The following RERGL variants were observed in gnomAD, a reference collection of about 807,000 sequenced individuals.
RERGL encodes RERG like.
A neutral mutation model predicts 24.7 loss-of-function variants in RERGL; 22 were observed. That is an observed-to-expected ratio of 0.89 (90% CI 0.64 to 1.27). The LOEUF (loss-of-function observed/expected upper bound fraction) is 1.27. Among genes scored for constraint, RERGL ranks in the 50% most tolerant of loss-of-function variants. The pLI is 0.00. For synonymous variants in RERGL, 76 were observed against 82.6 expected (o/e 0.92, Z 0.43); for missense variants, 259 against 235.3 (o/e 1.10, Z -0.66).
chr12:18,084,906 G>C (rs1257123697), intron 3 of RERGL, among the ~76,000 whole-genome samples: 2 of 152,134 alleles, frequency 1.3e-5, no homozygotes, highest in African/African-American at 2.4e-5. Flanking sequence ...TTTTCCGGAA[G>C]AAAACATCTC....
chr12:18,085,097 A>T (rs1365551874), intron 3 of RERGL, among the ~76,000 whole-genome samples: 1 of 152,182 alleles, frequency 6.6e-6, no homozygotes, highest in East Asian at 1.9e-4. Context: ...TTTAAGATAC[A>T]TTTTGATTTA....
intron 3 of RERGL, among the ~76,000 whole-genome samples, chr12:18,084,896 T>C (rs955312083): frequency 1.3e-5 from 2 of 152,214 alleles, no homozygotes; most frequent in Non-Finnish European, 2.9e-5. Flanking sequence ...ATTTTATAAC[T>C]TTTCCGGAAG....
At chr12:18,086,733 G>A (rs1947225651) in intron 2 of RERGL, among the ~76,000 whole-genome samples, 1 of 151,920 alleles carries the variant, frequency 6.6e-6, no homozygotes, top group Non-Finnish European at 1.5e-5. Context: ...CTAGTCCCAG[G>A]CCTTTACATG....
At chr12:18,089,207 A>G (rs1205636284) in intron 1 of RERGL, 14 of 1,597,418 alleles carry the variant, frequency 8.8e-6, no homozygotes, top group Non-Finnish European at 1.2e-5. Flanking sequence ...ATTCATTACC[A>G]CAAAAACATA....
chr12:18,087,873 G>A (rs11831986), intron 2 of RERGL, among the ~76,000 whole-genome samples: 1,655 of 151,950 alleles, frequency 0.011, 37 homozygotes, highest in African/African-American at 0.037. Context: ...TTCTTTTTAC[G>A]TTTTCAACTT....
chr12:18,086,638 C>T (rs12302453), intron 2 of RERGL, among the ~76,000 whole-genome samples: 12,984 of 152,074 alleles, frequency 0.085, 650 homozygotes, highest in Middle Eastern at 0.17. Context: ...GTTCACCTCT[C>T]CCCGCCCCCA....
intron 4 of RERGL, among the ~76,000 whole-genome samples, chr12:18,082,380 G>A (rs971671773): frequency 2.0e-5 from 3 of 152,022 alleles, no homozygotes; most frequent in African/African-American, 4.8e-5. Flanking sequence ...ATTAACTAAC[G>A]GGTTCTAGGC....
rs3054570 is a variant in RERGL, at chr12:18,081,527, TAAA to T, written c.333-57_333-55del. 5,019 of 1,091,632 alleles carry T rather than the reference TAAA, an allele frequency of 4.6e-3. 7 individuals are homozygous for T. The highest frequency in any genetic ancestry group is 9.7e-3 in the African/African-American group (590 of 60,924). 67.6% of individuals were successfully genotyped at this position (1,091,632 alleles called of 1,614,324 possible). A position where few individuals can be genotyped will look rare whatever the true frequency, so the allele number is the denominator to read the frequency against. On this transcript the variant is annotated intron_variant, in intron 4 of 4. Transcript: ENST00000538724. The stretch of plus-strand genomic sequence containing the variant: ...AGATTGTTTTAACAACTCTTTTTTT[TAAA>T]AAAAAAAAAAAAACAGATTTATAAC...
At chr12:18,084,399 T>C (rs945535141) in intron 4 of RERGL, 118 bp downstream of exon 4, 16 of 830,992 alleles carry the variant, frequency 1.9e-5, no homozygotes, top group Non-Finnish European at 2.7e-5. Flanking sequence ...GGAAGGTGAA[T>C]TGTTCAGGGC....
chr12:18,085,813 A>C, intron 2 of RERGL, 120 bp from the exon 3 acceptor site: 1 of 582,058 alleles, frequency 1.7e-6, no homozygotes, highest in Non-Finnish European at 3.0e-6. Context: ...TGGTGACTGA[A>C]AGCATGTATT....
At position 18,081,134 on chromosome 12, in the gene RERGL, A is replaced by G. The variant is rs1947165871; in HGVS notation, c.*57T>C. 1.4e-6 allele frequency: 2 copies of G among 1,478,472 alleles called. No homozygotes were observed. Among genetic ancestry groups the G allele is most frequent in the African/African-American group, 2.8e-5 (2 of 71,132 alleles). The allele number at this position is 1,478,472 out of a possible 1,614,324, so 91.6% of individuals were successfully genotyped here. A position where few individuals can be genotyped will look rare whatever the true frequency, so the allele number is the denominator to read the frequency against. ...ATTGCATACAAAGGTTAGTTTAATTATCATGTGAATGTTTGAAACTCTCTG... is the reference window on the plus strand; with the variant it reads ...ATTGCATACAAAGGTTAGTTTAATTGTCATGTGAATGTTTGAAACTCTCTG... On this transcript the variant is annotated 3_prime_UTR_variant, in exon 5 of 5. Transcript: ENST00000538724.
At chr12:18,089,961 GATA>G in intron 1 of RERGL, 125 bp downstream of exon 1, 2 of 617,842 alleles carry the variant, frequency 3.2e-6, no homozygotes, top group East Asian at 3.1e-5. Flanking sequence ...ATCCCAGTGA[GATA>G]ATGTTATTAT....
At position 18,090,142 on chromosome 12, in the gene RERGL, T is replaced by A; in HGVS notation, c.-2A>T. Reference sequence around the variant, plus strand: ...GACAGCAAGCTTCACATCATTCATCTTGCTTTTCTGCTTCTTGGTCAGTCC... The same window carrying A: ...GACAGCAAGCTTCACATCATTCATCATGCTTTTCTGCTTCTTGGTCAGTCC... On this transcript the variant is annotated 5_prime_UTR_variant, in exon 1 of 5. In the 5' UTR this introduces an upstream ATG that the reference lacks. Coordinates refer to ENST00000538724, the MANE Select transcript of RERGL (RefSeq NM_001286201.2). 1 of 1,531,872 alleles carries A rather than the reference T, an allele frequency of 6.5e-7. No individual in the cohort carries two copies. 94.9% of individuals were successfully genotyped at this position (1,531,872 alleles called of 1,614,324 possible).
At chr12:18,081,591 G>T in intron 4 of RERGL, 118 bp from the exon 5 acceptor site, 1 of 937,434 alleles carries the variant, frequency 1.1e-6, no homozygotes, top group Non-Finnish European at 1.5e-6. Context: ...AAAATATTGT[G>T]TGTATGTTAC....
chr12:18,088,833 T>C (rs1262663510), intron 2 of RERGL, 67 bp downstream of exon 2: 1 of 974,720 alleles, frequency 1.0e-6, no homozygotes, highest in Non-Finnish European at 1.7e-6. Flanking sequence ...TGCATCTCTG[T>C]ACTTAAGTGG....
chr12:18,084,514 T>A lies in RERGL; in HGVS notation c.332+3A>T, dbSNP rs754622750. Reference sequence around the variant, plus strand: ...AAGGAGAAAGGAATGAAAAATACCTTACCTTTTACAATGACTAGTTTGTGG... The same window carrying A: ...AAGGAGAAAGGAATGAAAAATACCTAACCTTTTACAATGACTAGTTTGTGG... On this transcript the variant is annotated splice_donor_region_variant and intron_variant, in intron 4 of 4. Transcript: ENST00000538724. 1 of 1,599,812 alleles carries A rather than the reference T, an allele frequency of 6.3e-7. No individual in the cohort carries two copies. The highest frequency in any genetic ancestry group is 8.5e-7 in the Non-Finnish European group (1 of 1,175,834).
intron 2 of RERGL, 151 bp from the exon 3 acceptor site, chr12:18,085,844 GTTTC>G: frequency 3.7e-6 from 1 of 272,312 alleles, no homozygotes; most frequent in South Asian, 5.7e-5. Context: ...ACTCAGATAT[GTTTC>G]TTTTTTTTTT....
At chr12:18,083,306 T>G (rs190982192) in intron 4 of RERGL, among the ~76,000 whole-genome samples, 3 of 152,134 alleles carry the variant, frequency 2.0e-5, no homozygotes, top group Non-Finnish European at 4.4e-5. Context: ...AAATATTTCC[T>G]GAAAAATGTC....
At chr12:18,085,177 T>G (rs1020398712) in intron 3 of RERGL, among the ~76,000 whole-genome samples, 1 of 152,200 alleles carries the variant, frequency 6.6e-6, no homozygotes, top group African/African-American at 2.4e-5. Flanking sequence ...CTTACGTGTA[T>G]AATCCCATTT....
Sources: gnomAD v4.1 joint callset for allele counts (sites outside exome capture counted in the v4.1 genomes callset) on GRCh38, gnomAD v4.1.1 for gene constraint, MANE v1.5 for transcripts, NCBI Gene and HGNC (gene_info 2026-07-23, HGNC 2026-07-21) for gene names.